The following SEMA3E variants were observed in gnomAD, a reference collection of about 807,000 sequenced individuals.
SEMA3E encodes semaphorin-3E.
In SEMA3E, 49 loss-of-function variants were observed where a neutral mutation model predicts 93.6. That is an observed-to-expected ratio of 0.52 (90% CI 0.42 to 0.66). The LOEUF is 0.66. SEMA3E is among the 30% of genes least tolerant of loss of function. The pLI is 0.00. For missense variants in SEMA3E, 906 were observed against 964.8 expected, an observed-to-expected ratio of 0.94 and a Z score of 0.81; for synonymous variants, 363 against 330.7, an observed-to-expected ratio of 1.10 and a Z score of -1.06.
intron 1 of SEMA3E, among the ~76,000 whole-genome samples, chr7:83,523,170 G>A (rs1791083840): frequency 6.6e-6 from 1 of 152,088 alleles, no homozygotes; most frequent in Non-Finnish European, 1.5e-5. Context: ...CACACACTAT[G>A]CACTCAGCGG....
chr7:83,479,185 T>C (rs1246468685), intron 2 of SEMA3E, among the ~76,000 whole-genome samples: 1 of 152,226 alleles, frequency 6.6e-6, no homozygotes, highest in Admixed American at 6.5e-5. Flanking sequence ...GTCATTATTC[T>C]ATACTGCTCT....
At chr7:83,625,881 T>C (rs1793659899) in intron 1 of SEMA3E, among the ~76,000 whole-genome samples, 1 of 152,168 alleles carries the variant, frequency 6.6e-6, no homozygotes. Flanking sequence ...ATACATTCCA[T>C]CAATACCTCG....
chr7:83,587,825 TTG>T lies in SEMA3E; in HGVS notation c.115+60601_115+60602del, dbSNP rs544422873. Among the ~76,000 whole-genome samples the T allele has an allele frequency of 3.1e-3, 475 of 152,052 alleles. 2 individuals are homozygous for T. Among genetic ancestry groups the T allele is most frequent in the Non-Finnish European group, 5.5e-3 (377 of 67,950 alleles). On this transcript the variant is annotated intron_variant, in intron 1 of 16. Coordinates refer to ENST00000643230, the MANE Select transcript of SEMA3E (RefSeq NM_012431.3). ...TTCAGTGGCAAGATATGCAACTATG[TTG>T]TGTAATTTTTTCAACCCAATAAAGT...
At chr7:83,418,928 T>A (rs985483677) in intron 4 of SEMA3E, among the ~76,000 whole-genome samples, 5 of 152,098 alleles carry the variant, frequency 3.3e-5, no homozygotes, top group African/African-American at 1.2e-4. Flanking sequence ...AAGGGGTACA[T>A]ATGCAGGTTT....
chr7:83,403,422 CA>C (rs1788267659), intron 9 of SEMA3E, among the ~76,000 whole-genome samples: 2 of 151,660 alleles, frequency 1.3e-5, no homozygotes, highest in Admixed American at 1.3e-4. Context: ...TAGCGGAAAG[CA>C]AAAAAATTTT....
At chr7:83,426,355 G>T (rs1268457557) in intron 4 of SEMA3E, among the ~76,000 whole-genome samples, 1 of 151,974 alleles carries the variant, frequency 6.6e-6, no homozygotes, top group Non-Finnish European at 1.5e-5. Flanking sequence ...ATTGGATAAA[G>T]AAAATGTGAT....
At chr7:83,644,321 C>T (rs2115720806) in intron 1 of SEMA3E, among the ~76,000 whole-genome samples, 1 of 151,914 alleles carries the variant, frequency 6.6e-6, no homozygotes, top group Non-Finnish European at 1.5e-5. Context: ...TGCAATCTAT[C>T]AAGATAAATC....
rs1794684618 is a variant in SEMA3E at position 83,367,394 on chromosome 7, A to C, written c.*192T>G. 1.7e-6 allele frequency: 1 copy of C among 604,598 alleles called. No homozygotes were observed. The highest frequency in any genetic ancestry group is 1.9e-5 in the African/African-American group (1 of 53,828). The allele number at this position is 604,598 out of a possible 1,614,324, so 37.5% of individuals were successfully genotyped here. On this transcript the variant is annotated 3_prime_UTR_variant, in exon 17 of 17. Coordinates refer to ENST00000643230, the MANE Select transcript of SEMA3E (RefSeq NM_012431.3). Reference sequence around the variant, plus strand: ...CATTAAGCAATGCATTTATTTAAAAAATTAGTTAATTTTATGTAAAGTTTA... The same window carrying C: ...CATTAAGCAATGCATTTATTTAAAACATTAGTTAATTTTATGTAAAGTTTA...
At chr7:83,647,815 C>G (rs1794098589) in intron 1 of SEMA3E, among the ~76,000 whole-genome samples, 1 of 152,090 alleles carries the variant, frequency 6.6e-6, no homozygotes, top group Non-Finnish European at 1.5e-5. Flanking sequence ...AAACTATTTT[C>G]CTTTGCCACA....
chr7:83,449,763 C>T (rs921411188), intron 4 of SEMA3E, among the ~76,000 whole-genome samples: 1 of 152,116 alleles, frequency 6.6e-6, no homozygotes, highest in African/African-American at 2.4e-5. Context: ...ACATTATACA[C>T]ATATAAATCA....
intron 4 of SEMA3E, among the ~76,000 whole-genome samples, chr7:83,456,709 G>A (rs1257522912): frequency 2.0e-5 from 3 of 151,800 alleles, no homozygotes; most frequent in African/African-American, 7.3e-5. Flanking sequence ...CACCTCCTGG[G>A]GTCAAGCGAT....
intron 1 of SEMA3E, among the ~76,000 whole-genome samples, chr7:83,591,048 T>A (rs1792746521): frequency 6.6e-6 from 1 of 151,672 alleles, no homozygotes; most frequent in East Asian, 1.9e-4. Context: ...TTTAATTTTC[T>A]GTTAATTTAT....
chr7:83,465,158 A>G (rs1473043443), intron 4 of SEMA3E, among the ~76,000 whole-genome samples: 2 of 151,914 alleles, frequency 1.3e-5, no homozygotes, highest in African/African-American at 4.8e-5. Context: ...GGCTCAAAAA[A>G]CACCTCCATT....
chr7:83,642,121 C>T (rs777316422), intron 1 of SEMA3E, among the ~76,000 whole-genome samples: 1 of 152,122 alleles, frequency 6.6e-6, no homozygotes, highest in Non-Finnish European at 1.5e-5. Flanking sequence ...TATGCCAAAG[C>T]TACAAACTAA....
At chr7:83,427,581 T>A (rs1236296428) in intron 4 of SEMA3E, among the ~76,000 whole-genome samples, 1 of 152,194 alleles carries the variant, frequency 6.6e-6, no homozygotes, top group Non-Finnish European at 1.5e-5. Context: ...TTGCTTTGCA[T>A]AGATCAAGCT....
chr7:83,488,492 T>C (rs1192464874), intron 2 of SEMA3E, among the ~76,000 whole-genome samples: 1 of 152,138 alleles, frequency 6.6e-6, no homozygotes, highest in South Asian at 2.1e-4. Context: ...CTACTAGAAG[T>C]TTGGAAACAA....
At chr7:83,510,338 T>C (rs534622256) in intron 1 of SEMA3E, among the ~76,000 whole-genome samples, 1 of 152,316 alleles carries the variant, frequency 6.6e-6, no homozygotes, top group Admixed American at 6.5e-5. Flanking sequence ...TATCTACCAA[T>C]TTCTTTTGGT....
intron 1 of SEMA3E, among the ~76,000 whole-genome samples, chr7:83,566,653 C>G (rs531105316): frequency 6.6e-6 from 1 of 152,078 alleles, no homozygotes; most frequent in Admixed American, 6.6e-5. Context: ...AACATACTTA[C>G]GTTTTCTAAA....
chr7:83,424,226 G>A (rs914072367), intron 4 of SEMA3E, among the ~76,000 whole-genome samples: 2 of 152,144 alleles, frequency 1.3e-5, no homozygotes, highest in African/African-American at 4.8e-5. Flanking sequence ...GAAGAATATT[G>A]TAATGTGTAT....
Sources: gnomAD v4.1 joint callset for allele counts (sites outside exome capture counted in the v4.1 genomes callset) on GRCh38, gnomAD v4.1.1 for gene constraint, MANE v1.5 for transcripts, NCBI Gene and HGNC (gene_info 2026-07-23, HGNC 2026-07-21) for gene names.